KCNB2: variants seen among roughly 807,000 people sequenced by gnomAD.
The protein encoded by KCNB2 is delayed rectifier potassium channel protein.
In KCNB2, 15 loss-of-function variants were observed where a neutral mutation model predicts 61.5. That is an observed-to-expected ratio of 0.24 (90% confidence interval 0.16 to 0.38). The LOEUF (loss-of-function observed/expected upper bound fraction) is 0.38. KCNB2 is among the 10% of genes least tolerant of loss of function. The pLI, the probability that KCNB2 is intolerant of heterozygous loss-of-function variation, is 1.00. For missense variants in KCNB2, 828 were observed against 1,125.2 expected (o/e 0.74, Z 3.78); for synonymous variants, 457 against 446.0 (o/e 1.02, Z -0.31).
At chr8:72,585,559 G>A (rs1806989726) in intron 2 of KCNB2, among the ~76,000 whole-genome samples, 1 of 152,022 alleles carries the variant, frequency 6.6e-6, no homozygotes, top group African/African-American at 2.4e-5. Context: ...CTAGAGACAG[G>A]GTCTCTCTAT....
At chr8:72,560,404 G>C (rs1160129936) in intron 1 of KCNB2, among the ~76,000 whole-genome samples, 2 of 152,164 alleles carry the variant, frequency 1.3e-5, no homozygotes, top group Non-Finnish European at 2.9e-5. Context: ...CATTCACGTG[G>C]AATCAGGTAG....
intron 2 of KCNB2, among the ~76,000 whole-genome samples, chr8:72,774,356 A>G (rs1808611704): frequency 6.6e-6 from 1 of 151,932 alleles, no homozygotes; most frequent in Non-Finnish European, 1.5e-5. Context: ...CTTAATTATT[A>G]TTATTATTTT....
At chr8:72,858,014 T>C (rs769936526) in intron 2 of KCNB2, among the ~76,000 whole-genome samples, 1 of 152,184 alleles carries the variant, frequency 6.6e-6, no homozygotes, top group Non-Finnish European at 1.5e-5. Flanking sequence ...AAGAGTAACT[T>C]TAGAGTTAAA....
chr8:72,838,965 T>C (rs1809831337), intron 2 of KCNB2, among the ~76,000 whole-genome samples: 1 of 152,180 alleles, frequency 6.6e-6, no homozygotes, highest in South Asian at 2.1e-4. Flanking sequence ...ATTTTCAAAG[T>C]AATTGAACTT....
chr8:72,768,263 A>G (rs1313379719), intron 2 of KCNB2, among the ~76,000 whole-genome samples: 1 of 151,876 alleles, frequency 6.6e-6, no homozygotes, highest in African/African-American at 2.4e-5. Context: ...TTCAACCTCC[A>G]TCTCCCAGGC....
At chr8:72,539,893 G>T (rs992677845) in intron 1 of KCNB2, among the ~76,000 whole-genome samples, 1 of 152,074 alleles carries the variant, frequency 6.6e-6, no homozygotes, top group Non-Finnish European at 1.5e-5. Context: ...AGGCAATAGG[G>T]CAACTTCCTG....
At chr8:72,556,070 A>G (rs893315761) in intron 1 of KCNB2, among the ~76,000 whole-genome samples, 3 of 152,082 alleles carry the variant, frequency 2.0e-5, no homozygotes, top group Admixed American at 2.0e-4. Context: ...ATTTATTTCA[A>G]GACTGCATCA....
In KCNB2 at chr8:72,816,902, AC is replaced by A. The variant is rs939265640; in HGVS notation, c.580-119032del. Among the ~76,000 whole-genome samples, 41 of 152,154 alleles carry A rather than the reference AC, an allele frequency of 2.7e-4. 1 individual carries two copies. On this transcript the variant is annotated intron_variant, in intron 2 of 2. Coordinates refer to ENST00000523207, the MANE Select transcript of KCNB2 (RefSeq NM_004770.3). ...GAACTTCCAAAGCCAATTGGAAGAA[AC>A]TGTTCTTTGATAGCTCAGAAAACGT... is the stretch of plus-strand genomic sequence containing the variant.
chr8:72,617,522 A>G (rs553846232), intron 2 of KCNB2, among the ~76,000 whole-genome samples: 4 of 150,466 alleles, frequency 2.7e-5, no homozygotes, highest in East Asian at 2.0e-4. Flanking sequence ...TGAAATTTCC[A>G]TTTGGTCCTC....
At chr8:72,711,839 A>C (rs548008134) in intron 2 of KCNB2, among the ~76,000 whole-genome samples, 27 of 152,244 alleles carry the variant, frequency 1.8e-4, no homozygotes, top group African/African-American at 6.3e-4. Context: ...AATACCAAAA[A>C]ATATTAGCCA....
chr8:72,546,191 TA>T (rs11286267), intron 1 of KCNB2, among the ~76,000 whole-genome samples: 132,450 of 151,970 alleles, frequency 0.87, 58,086 homozygotes, highest in African/African-American at 0.96. Context: ...TTCACAGGTT[TA>T]AAAAAAAATA....
chr8:72,707,707 G>T (rs1266380260), intron 2 of KCNB2, among the ~76,000 whole-genome samples: 2 of 152,180 alleles, frequency 1.3e-5, no homozygotes, highest in African/African-American at 2.4e-5. Context: ...CGTGAGTAAG[G>T]TTTAACGTTT....
intron 2 of KCNB2, among the ~76,000 whole-genome samples, chr8:72,606,759 T>A (rs1054232155): frequency 3.3e-5 from 5 of 152,286 alleles, no homozygotes; most frequent in African/African-American, 1.2e-4. Context: ...TATCCACCCC[T>A]TCACTGCTGT....
intron 2 of KCNB2, among the ~76,000 whole-genome samples, chr8:72,609,048 A>C (rs185379346): frequency 5.3e-5 from 8 of 152,358 alleles, no homozygotes; most frequent in Non-Finnish European, 8.8e-5. Flanking sequence ...GAATTGTTTC[A>C]TAGAGGATTA....
intron 2 of KCNB2, among the ~76,000 whole-genome samples, chr8:72,630,211 CTGAT>C (rs1388848571): frequency 9.9e-5 from 15 of 152,148 alleles, no homozygotes; most frequent in Non-Finnish European, 1.5e-5. Flanking sequence ...TCACCATGAA[CTGAT>C]TGTTACACCT....
At chr8:72,554,116 T>C (rs1806385368) in intron 1 of KCNB2, among the ~76,000 whole-genome samples, 1 of 152,200 alleles carries the variant, frequency 6.6e-6, no homozygotes. Context: ...TAAATACATA[T>C]TCAAGTCCAT....
At chr8:72,549,783 G>T (rs1284047123) in intron 1 of KCNB2, among the ~76,000 whole-genome samples, 1 of 152,010 alleles carries the variant, frequency 6.6e-6, no homozygotes, top group Non-Finnish European at 1.5e-5. Flanking sequence ...TCTTCCTCTG[G>T]GACACATCTC....
chr8:72,873,264 T>C (rs572386907), intron 2 of KCNB2, among the ~76,000 whole-genome samples: 1 of 152,190 alleles, frequency 6.6e-6, no homozygotes, highest in Non-Finnish European at 1.5e-5. Flanking sequence ...ACATGTCACA[T>C]GGATTAAGGC....
intron 2 of KCNB2, among the ~76,000 whole-genome samples, chr8:72,820,652 A>C (rs1231642640): frequency 1.3e-5 from 2 of 152,050 alleles, no homozygotes; most frequent in Non-Finnish European, 2.9e-5. Flanking sequence ...ATTGTAGTGA[A>C]TCTTATGATT....
Sources: allele counts gnomAD v4.1 joint callset (sites outside exome capture counted in the v4.1 genomes callset), GRCh38; gene constraint gnomAD v4.1.1; transcripts MANE v1.5; gene names NCBI Gene and HGNC (gene_info 2026-07-23, HGNC 2026-07-21).